The following PCNT variants were observed in gnomAD, a reference collection of about 807,000 sequenced individuals.
The protein encoded by PCNT is kendrin.
PCNT carries 319 observed loss-of-function variants against 380.4 expected under a neutral mutation model. The ratio of observed to expected loss-of-function variants is 0.84; its 90% CI spans 0.77 to 0.92. The LOEUF (loss-of-function observed/expected upper bound fraction) is 0.92, where lower values mean the gene tolerates loss of function less well. Ranked by LOEUF, PCNT falls within the 40% of genes least tolerant of loss-of-function variation. PCNT has a pLI of 0.00. For missense variants in PCNT, 4,400 were observed against 4,255.3 expected, an observed-to-expected ratio of 1.03 and a Z score of -0.95; for synonymous variants, 1,845 against 1,735.2, an observed-to-expected ratio of 1.06 and a Z score of -1.57.
At position 46,425,886 on chromosome 21, in the gene PCNT, GCCTT is replaced by G. The variant is rs1569290849; in HGVS notation, c.7236_7239del (p.Leu2413HisfsTer117). ...CACCAGATCCTGGCGCTGTCAGAAG[GCCTT>G]GCACCCCCAAGCGGCGAGCCACACC... On this transcript the variant is annotated frameshift_variant, in exon 33 of 47. Transcript: ENST00000359568. LOFTEE classifies it high-confidence loss of function. This position sits in a 1 kb window ranked among gnomAD's most constrained non-coding sequence, Gnocchi z 4.2. 6.2e-7 allele frequency: 1 copy of G among 1,613,860 alleles called. No individual in the cohort carries two copies. The highest frequency in any genetic ancestry group is 1.7e-5 in the Admixed American group (1 of 60,012).
At chr21:46,356,942 C>T in intron 12 of PCNT, 32 bp from the exon 13 acceptor site, 1 of 1,600,946 alleles carries the variant, frequency 6.2e-7, no homozygotes, top group South Asian at 1.1e-5. Context: ...CGGCACCGGC[C>T]TGACTGTCTT....
At chr21:46,340,034 G>T (rs542690867) in intron 3 of PCNT, among the ~76,000 whole-genome samples, 21 of 152,298 alleles carry the variant, frequency 1.4e-4, no homozygotes, top group Admixed American at 7.9e-4. Context: ...CCAAGACTGG[G>T]TAATTAAGGA....
intron 2 of PCNT, among the ~76,000 whole-genome samples, chr21:46,329,288 A>C (rs977255657): frequency 1.4e-4 from 21 of 152,178 alleles, no homozygotes; most frequent in African/African-American, 5.1e-4. Context: ...TAACTCTGCT[A>C]TTTGATGCAT....
At chr21:46,416,862 G>A in intron 30 of PCNT, 23 bp downstream of exon 30, 1 of 1,596,330 alleles carries the variant, frequency 6.3e-7, no homozygotes, top group Non-Finnish European at 8.5e-7. Context: ...TCTGCTCCCA[G>A]GCCTGCTGTT....
intron 13 of PCNT, among the ~76,000 whole-genome samples, chr21:46,359,952 G>A (rs1304008118): frequency 6.6e-6 from 1 of 150,792 alleles, no homozygotes; most frequent in African/African-American, 2.4e-5. Flanking sequence ...TTCCTCCCAG[G>A]CTCAAGGGAT....
In PCNT at chr21:46,366,643, T is replaced by C; in HGVS notation, c.2669T>C (p.Leu890Pro). The change falls in exon 15 of 47, where the codon CTG (leucine) becomes CCG (proline). Residue 890 changes from leucine (L) to proline (P), a missense_variant. Physicochemically the swap from Leu to Pro is moderately conservative, Grantham distance 98 (BLOSUM62 -3). Coordinates refer to ENST00000359568, the MANE Select transcript of PCNT (RefSeq NM_006031.6). ...TTCAGTGCGGAACAAGATGCCTTCC[T>C]GCAGGAGGCCCAGGAGCAGCATGCC... ...EKFSAEQDAF[L>P]QEAQEQHARE... is the part of the protein sequence containing the mutation. 1 of 1,613,938 alleles carries C rather than the reference T, an allele frequency of 6.2e-7. No homozygotes were observed.
At chr21:46,390,531 G>T (rs1247125540) in intron 19 of PCNT, 139 bp from the exon 20 acceptor site, 2 of 862,444 alleles carry the variant, frequency 2.3e-6, no homozygotes, top group African/African-American at 3.3e-5. Flanking sequence ...ATGTGCTCAG[G>T]TCCCGTCACC....
chr21:46,438,302 C>G lies in PCNT; in HGVS notation c.9238C>G (p.Leu3080Val), dbSNP rs539936340. 4 of 1,614,172 alleles carry G rather than the reference C, an allele frequency of 2.5e-6. No homozygotes were observed. The South Asian group carries it at 3.3e-5, about 13-fold the overall frequency. Residue 3080 changes from leucine to valine, a missense_variant, in exon 41 of 47, where the codon CTG becomes GTG. By Grantham distance (32) the Leu-to-Val change is conservative. Transcript: ENST00000359568. ...SRAVSKLEKL[L>V]KHHLQKGCSP... ...AGCCGTGTCTAAGCTTGAGAAGTTG[C>G]TGAAGCACCATCTGCAGAAGGGCTG... is the stretch of plus-strand genomic sequence containing the variant.
rs146287555 is a variant in PCNT, at chr21:46,385,923, G to A, written c.3404G>A (p.Arg1135Gln). 1.2e-4 allele frequency: 194 copies of A among 1,614,062 alleles called. No homozygotes were observed. Among genetic ancestry groups the A allele is most frequent in the Admixed American group, 5.2e-4 (31 of 59,994 alleles). The change falls in exon 17 of 47, where the codon CGG (arginine) becomes CAG (glutamine). Residue 1135 changes from arginine to glutamine, a missense_variant. Arg to Gln is a conservative substitution (Grantham distance 43). Transcript: ENST00000359568. ...VLQQRREREN[R>Q]EGANLLSMLK... is the part of the protein sequence containing the mutation. ...CAGCAGAGGCGGGAGCGGGAGAACC[G>A]GGAAGGCGCAAACCTCCTCTCCATG...
intron 29 of PCNT, 39 bp from the exon 30 acceptor site, chr21:46,416,030 C>T: frequency 6.2e-7 from 1 of 1,609,656 alleles, no homozygotes; most frequent in Non-Finnish European, 8.5e-7. Flanking sequence ...CCTGGTGAGC[C>T]AGGTATTCCA....
chr21:46,440,728 G>GC (rs11368465), intron 42 of PCNT, 127 bp from the exon 43 acceptor site: 704,075 of 704,086 alleles, frequency 1, 352,032 homozygotes, highest in Middle Eastern at 1. Flanking sequence ...AAGGCCGATG[G>GC]CTCTGTGATG....
Position 46,346,214 on chromosome 21 carries a change from C to G in PCNT, c.720+6C>G, listed in dbSNP as rs745413925. On this transcript the variant is annotated splice_donor_region_variant and intron_variant, in intron 4 of 46. Transcript: ENST00000359568. The stretch of plus-strand genomic sequence containing the variant: ...CTGGCCTGCATCAGAGTCAGGTGAC[C>G]CGGCGGGGCCTGCACAGGCTCACAG... The G allele has an allele frequency of 1.9e-6, 3 of 1,612,962 alleles. No individual in the cohort carries two copies. The Admixed American group carries it at 5.0e-5, about 27-fold the overall frequency.
At chr21:46,353,539 G>C (rs2084352479) in intron 10 of PCNT, among the ~76,000 whole-genome samples, 1 of 152,146 alleles carries the variant, frequency 6.6e-6, no homozygotes. Context: ...GCCACACTCT[G>C]TCCAGGCCTG....
At chr21:46,381,166 A>C (rs1240357748) in intron 15 of PCNT, among the ~76,000 whole-genome samples, 1 of 109,866 alleles carries the variant, frequency 9.1e-6, no homozygotes, top group African/African-American at 3.5e-5. Flanking sequence ...GACAGAGAAG[A>C]GTCCTTCCAA....
Position 46,363,471 on chromosome 21 carries a change from T to C in PCNT, c.2155-9T>C, listed in dbSNP as rs1257486633. 1.9e-6 allele frequency: 3 copies of C among 1,603,542 alleles called. No homozygotes were observed. The highest frequency in any genetic ancestry group is 2.6e-6 in the Non-Finnish European group (3 of 1,170,792). On this transcript the variant is annotated splice_polypyrimidine_tract_variant and intron_variant, in intron 13 of 46. Transcript: ENST00000359568. ...TCTTTCCTCCTAAATGAAATTATGT[T>C]GTCTGTAGGTAAAACACAATCTAAT...
At position 46,430,783 on chromosome 21, in the gene PCNT, C is replaced by T. The variant is rs1030444304; in HGVS notation, c.8064+126C>T. On this transcript the variant is annotated intron_variant, in intron 37 of 46. Coordinates refer to ENST00000359568, the MANE Select transcript of PCNT (RefSeq NM_006031.6). Reference sequence around the variant, plus strand: ...GTGCACCCAGTTGACAGCAGTGTGACGTAGCAGGATAGGGCTGTGTTTGCA... The same window carrying T: ...GTGCACCCAGTTGACAGCAGTGTGATGTAGCAGGATAGGGCTGTGTTTGCA... 1.9e-5 allele frequency: 29 copies of T among 1,531,250 alleles called. No individual in the cohort carries two copies. The Admixed American group carries it at 3.5e-4, about 19-fold the overall frequency. 94.9% of individuals were successfully genotyped at this position (1,531,250 alleles called of 1,614,324 possible). A position where few individuals can be genotyped will look rare whatever the true frequency, so the allele number is the denominator to read the frequency against.
At chr21:46,435,765 A>G in intron 38 of PCNT, 139 bp from the exon 39 acceptor site, 1 of 881,160 alleles carries the variant, frequency 1.1e-6, no homozygotes, top group East Asian at 2.6e-5. Flanking sequence ...CATGGTCTCA[A>G]TCTCCTGACC....
chr21:46,324,559 G>GCGCCT (rs2083294549), intron 1 of PCNT, among the ~76,000 whole-genome samples: 1 of 96,876 alleles, frequency 1.0e-5, no homozygotes, highest in Non-Finnish European at 2.2e-5. Context: ...GGCTGCGCCT[G>GCGCCT]CGTCGGGGGG....
rs2087790214 is a variant in PCNT at position 46,432,117 on chromosome 21, CA to C, written c.8655del (p.Glu2886LysfsTer35). 6.2e-7 allele frequency: 1 copy of C among 1,613,978 alleles called. No homozygotes were observed. The highest frequency in any genetic ancestry group is 1.3e-5 in the African/African-American group (1 of 74,936). On this transcript the variant is annotated frameshift_variant, in exon 38 of 47. Coordinates refer to ENST00000359568, the MANE Select transcript of PCNT (RefSeq NM_006031.6). LOFTEE classifies it high-confidence loss of function. ...GCAGTCACACCCACGGTTGAAAGAGCAAGAAGGACGCAAGGCTGCGAGGAGG... is the reference window on the plus strand; with the variant it reads ...GCAGTCACACCCACGGTTGAAAGAGCAGAAGGACGCAAGGCTGCGAGGAGG... Reference protein sequence around the residue: ...LEQSHPRLKEQEGRKAARRSA... With the variant: ...LEQSHPRLKEXEGRKAARRSA...
Sources: allele counts gnomAD v4.1 joint callset (sites outside exome capture counted in the v4.1 genomes callset), GRCh38; gene constraint gnomAD v4.1.1; non-coding constraint Gnocchi (gnomAD v3.1); transcripts MANE v1.5; gene names NCBI Gene and HGNC (gene_info 2026-07-23, HGNC 2026-07-21).